The following EPG5 variants were observed in gnomAD, a reference collection of about 807,000 sequenced individuals.
EPG5 encodes ectopic P-granules 5 autophagy tethering factor.
In EPG5, 159 loss-of-function variants were observed where a neutral mutation model predicts 302.7. The observed-to-expected ratio is 0.53, with a 90% CI of 0.46 to 0.60. EPG5 has a LOEUF of 0.60. Ranked by LOEUF, EPG5 falls within the 20% of genes least tolerant of loss-of-function variation. The pLI is 0.00. For synonymous variants in EPG5, 1,158 were observed against 1,136.8 expected (o/e 1.02, Z -0.37); for missense variants, 2,896 against 3,092.4 (o/e 0.94, Z 1.51).
At chr18:45,918,786 C>G (rs1222772670) in intron 16 of EPG5, among the ~76,000 whole-genome samples, 1 of 152,132 alleles carries the variant, frequency 6.6e-6, no homozygotes, top group African/African-American at 2.4e-5. Flanking sequence ...ATTTTATACT[C>G]ATGATCATAA....
chr18:45,809,770 T>C, the EPG5 span, among the ~76,000 whole-genome samples: 2 of 151,818 alleles, frequency 1.3e-5, no homozygotes, highest in African/African-American at 4.8e-5. Flanking sequence ...TCAAAAGGTC[T>C]GAAAGAGCAC....
At chr18:45,944,741 C>T (rs534906154) in intron 7 of EPG5, among the ~76,000 whole-genome samples, 130 of 152,188 alleles carry the variant, frequency 8.5e-4, no homozygotes, top group Admixed American at 2.9e-3. Flanking sequence ...GGTGACAGAA[C>T]GAGACTCCAT....
intron 20 of EPG5, among the ~76,000 whole-genome samples, chr18:45,915,235 G>A (rs370047294): frequency 2.0e-5 from 3 of 151,826 alleles, no homozygotes; most frequent in African/African-American, 7.3e-5. Context: ...CTGAGATCGC[G>A]CCATTGCACT....
chr18:45,943,139 G>C lies in EPG5; in HGVS notation c.1943+22C>G, dbSNP rs143118410. The C allele has an allele frequency of 2.4e-3, 3,820 of 1,611,732 alleles. 6 individuals carry two copies. The highest frequency in any genetic ancestry group is 2.7e-3 in the Non-Finnish European group (3,156 of 1,178,132). ...GACCAGGGTGAAAGGAACAGAGAAG[G>C]GTAGAGCAACAGCAGTATTACCTGA... On this transcript the variant is annotated intron_variant, in intron 9 of 43. Coordinates refer to ENST00000282041, the MANE Select transcript of EPG5 (RefSeq NM_020964.3).
At chr18:45,923,428 T>A in intron 14 of EPG5, 41 bp from the exon 15 acceptor site, 2 of 1,592,682 alleles carry the variant, frequency 1.3e-6, no homozygotes, top group Admixed American at 3.6e-5. Flanking sequence ...CAACCTTGGT[T>A]TTGTTTTGTT....
rs557684940 is a variant in EPG5 at position 45,880,249 on chromosome 18, G to A, written c.5519-26C>T. The stretch of plus-strand genomic sequence containing the variant: ...CTGCCAGCAGGGACAGGAAGAGCAA[G>A]TCAGTGGCTTTCCCGAAAGGAATAT... On this transcript the variant is annotated intron_variant, in intron 31 of 43. Coordinates refer to ENST00000282041, the MANE Select transcript of EPG5 (RefSeq NM_020964.3). The A allele has an allele frequency of 6.5e-6, 10 of 1,542,516 alleles. No homozygotes were observed. In the South Asian group the frequency reaches 1.1e-4, roughly 16 times the overall value.
At chr18:45,842,364 G>A in the EPG5 span, 1 of 622,406 alleles carries the variant, frequency 1.6e-6, no homozygotes, top group Non-Finnish European at 2.8e-6. Context: ...CCTCCTATGT[G>A]GACAACCATT....
chr18:45,887,458 A>G (rs1456794788), intron 29 of EPG5, among the ~76,000 whole-genome samples: 1 of 152,246 alleles, frequency 6.6e-6, no homozygotes, highest in Non-Finnish European at 1.5e-5. Flanking sequence ...GTATTTTTAT[A>G]AACAATGAAG....
chr18:45,896,157 T>C (rs1187114565), intron 27 of EPG5, among the ~76,000 whole-genome samples: 1 of 152,236 alleles, frequency 6.6e-6, no homozygotes, highest in Non-Finnish European at 1.5e-5. Context: ...CAGTACTATA[T>C]AACTTTCAAG....
chr18:45,817,146 G>T, the EPG5 span, among the ~76,000 whole-genome samples: 2 of 152,132 alleles, frequency 1.3e-5, no homozygotes, highest in African/African-American at 2.4e-5. Flanking sequence ...AGGGATAAAA[G>T]GCTACAAATA....
chr18:45,962,064 G>A (rs1457552392), intron 1 of EPG5, among the ~76,000 whole-genome samples: 1 of 148,142 alleles, frequency 6.8e-6, no homozygotes, highest in African/African-American at 2.5e-5. Context: ...CAGGTTCTTT[G>A]GGGTTTTTTC....
chr18:45,895,424 T>C lies in EPG5; in HGVS notation c.4809+3980A>G, dbSNP rs140151500. On this transcript the variant is annotated intron_variant, in intron 27 of 43. Transcript: ENST00000282041. ...TCGTTTTGAACTATTCTGAGATCTA[T>C]TGGAGTTATACACTCTCCAGAAAAA... 6.4e-3 allele frequency among the ~76,000 whole-genome samples: 954 copies of C among 150,132 alleles called. 8 individuals are homozygous for C. The highest frequency in any genetic ancestry group is 0.021 in the African/African-American group (874 of 40,778).
chr18:45,901,468 G>T (rs944063058), intron 25 of EPG5, among the ~76,000 whole-genome samples: 1 of 152,068 alleles, frequency 6.6e-6, no homozygotes. Context: ...CTGAATAATG[G>T]TTTAGGTAAA....
rs1284639599 is a variant in EPG5 at position 45,882,353 on chromosome 18, A to G, written c.5439T>C (p.Leu1813=). Reference sequence around the variant, plus strand: ...GAAGATAAGTCCAGTGCTTACAGAAAAGATTAAATGGCATCAAAATATCCT... The same window carrying G: ...GAAGATAAGTCCAGTGCTTACAGAAGAGATTAAATGGCATCAAAATATCCT... ...PDEDILMPFN[L]FCKHWTYLLL... The change falls in exon 31 of 44, where the codon CTT becomes CTC. Residue 1813 remains leucine, a synonymous_variant. Coordinates refer to ENST00000282041, the MANE Select transcript of EPG5 (RefSeq NM_020964.3). The G allele has an allele frequency of 6.2e-7, 1 of 1,614,132 alleles. No individual in the cohort carries two copies. The highest frequency in any genetic ancestry group is 1.3e-5 in the African/African-American group (1 of 74,934).
In EPG5 at chr18:45,861,815, TA is replaced by T. The variant is rs757693725; in HGVS notation, c.6767-1470del. ...AAGGGTCTTGTCCATTTTTTTCTACTAAGTTGTCTTTTTCTTCCTTGTTTTA... is the reference window on the plus strand; with the variant it reads ...AAGGGTCTTGTCCATTTTTTTCTACTAGTTGTCTTTTTCTTCCTTGTTTTA... On this transcript the variant is annotated intron_variant, in intron 39 of 43. Transcript: ENST00000282041. Among the ~76,000 whole-genome samples, 3 of 152,190 alleles carry T rather than the reference TA, an allele frequency of 2.0e-5. No individual in the cohort carries two copies. The South Asian group carries it at 6.2e-4, about 32-fold the overall frequency.
the EPG5 span, chr18:45,842,150 AC>A: frequency 6.2e-7 from 1 of 1,613,824 alleles, no homozygotes; most frequent in African/African-American, 1.3e-5. Flanking sequence ...AGCCAGATGA[AC>A]CCCCGGAGCC....
At chr18:45,826,424 A>G in the EPG5 span, among the ~76,000 whole-genome samples, 3 of 152,226 alleles carry the variant, frequency 2.0e-5, no homozygotes, top group Non-Finnish European at 4.4e-5. Context: ...GGCATTTGCT[A>G]AAATGCAGGT....
At chr18:45,863,313 T>G (rs1249741634) in intron 39 of EPG5, among the ~76,000 whole-genome samples, 1 of 152,212 alleles carries the variant, frequency 6.6e-6, no homozygotes, top group Non-Finnish European at 1.5e-5. Context: ...TCATCTTATT[T>G]TGGTTATTTT....
chr18:45,835,032 T>C, the EPG5 span, among the ~76,000 whole-genome samples: 141 of 151,810 alleles, frequency 9.3e-4, no homozygotes, highest in African/African-American at 3.4e-3. Context: ...AGAGATAAAA[T>C]GTTAGGTCCT....
Sources: allele counts gnomAD v4.1 joint callset (sites outside exome capture counted in the v4.1 genomes callset), GRCh38; gene constraint gnomAD v4.1.1; transcripts MANE v1.5; gene names NCBI Gene and HGNC (gene_info 2026-07-23, HGNC 2026-07-21).